The following OSBPL11 variants were observed in gnomAD, a reference collection of about 807,000 sequenced individuals.
OSBPL11 encodes oxysterol-binding protein-related protein 11.
OSBPL11 carries 33 observed loss-of-function variants against 84.4 expected under a neutral mutation model. The observed-to-expected ratio is 0.39, with a 90% CI of 0.30 to 0.52. OSBPL11 has a LOEUF of 0.52. Among genes scored for constraint, OSBPL11 ranks in the 20% least tolerant of loss-of-function variants. The pLI is 0.72. For synonymous variants in OSBPL11, 276 were observed against 310.2 expected, an observed-to-expected ratio of 0.89 and a Z score of 1.16; for missense variants, 736 against 901.1, an observed-to-expected ratio of 0.82 and a Z score of 2.35.
At chr3:125,530,979 C>CT (rs1935546301) in intron 12 of OSBPL11, among the ~76,000 whole-genome samples, 1 of 114,234 alleles carries the variant, frequency 8.8e-6, no homozygotes, top group South Asian at 2.7e-4. Context: ...CATTTTTTTT[C>CT]TTTCCTTTTT....
At chr3:125,548,351 CATTCT>C (rs1207763132) in intron 9 of OSBPL11, among the ~76,000 whole-genome samples, 3 of 152,026 alleles carry the variant, frequency 2.0e-5, no homozygotes, top group Non-Finnish European at 4.4e-5. Flanking sequence ...AATTGTTCTT[CATTCT>C]ATTCTATGTA....
intron 5 of OSBPL11, among the ~76,000 whole-genome samples, chr3:125,570,330 C>CAAAA (rs1251584217): frequency 1.5e-4 from 18 of 119,292 alleles, no homozygotes; most frequent in East Asian, 4.9e-4. Flanking sequence ...CCATCTCTAG[C>CAAAA]AAAAAAAAAA....
At chr3:125,538,681 G>A in intron 10 of OSBPL11, 48 bp from the exon 11 acceptor site, 1 of 1,506,018 alleles carries the variant, frequency 6.6e-7, no homozygotes, top group Non-Finnish European at 8.9e-7. Flanking sequence ...GTGATATCAT[G>A]TTTGTTTCTT....
At chr3:125,584,493 A>G (rs545380429) in intron 1 of OSBPL11, among the ~76,000 whole-genome samples, 1 of 152,348 alleles carries the variant, frequency 6.6e-6, no homozygotes, top group African/African-American at 2.4e-5. Flanking sequence ...TATACAACCT[A>G]AATATTTTCT....
At chr3:125,564,037 T>C (rs1252126903) in intron 6 of OSBPL11, among the ~76,000 whole-genome samples, 194 bp from the exon 7 acceptor site, 1 of 152,202 alleles carries the variant, frequency 6.6e-6, no homozygotes, top group East Asian at 1.9e-4. Context: ...CAGAGCAACT[T>C]GCAACTTGAT....
intron 5 of OSBPL11, among the ~76,000 whole-genome samples, chr3:125,570,330 C>CAAAAAA (rs1251584217): frequency 1.7e-5 from 2 of 119,298 alleles, no homozygotes; most frequent in African/African-American, 2.9e-5. Context: ...CCATCTCTAG[C>CAAAAAA]AAAAAAAAAA....
chr3:125,570,430 C>T (rs1346642712), intron 5 of OSBPL11, among the ~76,000 whole-genome samples: 2 of 151,770 alleles, frequency 1.3e-5, no homozygotes, highest in African/African-American at 4.8e-5. Context: ...GGCGGGAGGA[C>T]TACTTGAGCT....
intron 6 of OSBPL11, 109 bp downstream of exon 6, chr3:125,567,285 C>T (rs901330233): frequency 2.1e-6 from 2 of 966,764 alleles, no homozygotes. Context: ...CTCTGGTTTT[C>T]TTCTCCTTTT....
intron 1 of OSBPL11, among the ~76,000 whole-genome samples, chr3:125,593,914 C>G (rs930401003): frequency 5.3e-5 from 8 of 152,128 alleles, no homozygotes; most frequent in African/African-American, 1.7e-4. Context: ...CTGGATAGTT[C>G]TTTCTCCCTA....
At chr3:125,588,309 C>T (rs1432253180) in intron 1 of OSBPL11, among the ~76,000 whole-genome samples, 2 of 150,558 alleles carry the variant, frequency 1.3e-5, no homozygotes, top group Non-Finnish European at 3.0e-5. Context: ...AGACTTAAAA[C>T]CCAGAGATAA....
chr3:125,552,916 G>A (rs556114736), intron 8 of OSBPL11, among the ~76,000 whole-genome samples: 1 of 152,234 alleles, frequency 6.6e-6, no homozygotes, highest in African/African-American at 2.4e-5. Flanking sequence ...ACAGGAGTTC[G>A]AAACCAGCTG....
chr3:125,547,677 G>T, intron 9 of OSBPL11, 85 bp from the exon 10 acceptor site: 2 of 1,047,334 alleles, frequency 1.9e-6, no homozygotes, highest in South Asian at 1.8e-5. Context: ...TTCTTGTCTA[G>T]TAAATAAGCA....
intron 1 of OSBPL11, among the ~76,000 whole-genome samples, chr3:125,591,570 C>A (rs1221761106): frequency 1.3e-5 from 2 of 152,132 alleles, no homozygotes; most frequent in Admixed American, 1.3e-4. Context: ...AACTGAATTG[C>A]ACCAAGAGTC....
At chr3:125,566,706 T>C (rs1936160707) in intron 6 of OSBPL11, among the ~76,000 whole-genome samples, 1 of 152,100 alleles carries the variant, frequency 6.6e-6, no homozygotes, top group African/African-American at 2.4e-5. Context: ...TGTAGTCCCG[T>C]GCAATAACAT....
intron 8 of OSBPL11, among the ~76,000 whole-genome samples, chr3:125,555,264 G>C (rs902320380): frequency 6.6e-6 from 1 of 152,144 alleles, no homozygotes; most frequent in African/African-American, 2.4e-5. Flanking sequence ...TGCACTGCTG[G>C]CTTCCCTACT....
At chr3:125,544,782 A>G (rs1935786183) in intron 10 of OSBPL11, among the ~76,000 whole-genome samples, 1 of 152,162 alleles carries the variant, frequency 6.6e-6, no homozygotes. Flanking sequence ...TTTATTTTCA[A>G]AGAAAAAAAA....
intron 8 of OSBPL11, among the ~76,000 whole-genome samples, chr3:125,555,835 C>A (rs368021330): frequency 6.6e-6 from 1 of 152,154 alleles, no homozygotes; most frequent in South Asian, 2.1e-4. Context: ...CAGGCATGTG[C>A]CACCATGCCT....
chr3:125,566,206 A>G (rs1936154990), intron 6 of OSBPL11, among the ~76,000 whole-genome samples: 1 of 152,014 alleles, frequency 6.6e-6, no homozygotes, highest in Non-Finnish European at 1.5e-5. Context: ...GGGTTTCACC[A>G]TGTTGGCCAG....
chr3:125,547,970 T>A (rs1430402609), intron 9 of OSBPL11, among the ~76,000 whole-genome samples: 1 of 152,108 alleles, frequency 6.6e-6, no homozygotes, highest in Non-Finnish European at 1.5e-5. Context: ...CTCCGACTCC[T>A]GGGTCGAATG....
Sources: gnomAD v4.1 joint callset for allele counts (sites outside exome capture counted in the v4.1 genomes callset) on GRCh38, gnomAD v4.1.1 for gene constraint, MANE v1.5 for transcripts, NCBI Gene and HGNC (gene_info 2026-07-23, HGNC 2026-07-21) for gene names.